MYO1D: variants seen among roughly 807,000 people sequenced by gnomAD.
MYO1D encodes the protein unconventional myosin-Id.
MYO1D carries 83 observed loss-of-function variants against 122.0 expected under a neutral mutation model. The ratio of observed to expected loss-of-function variants is 0.68; its 90% CI spans 0.57 to 0.82. The LOEUF (loss-of-function observed/expected upper bound fraction) is 0.82. MYO1D is among the 40% of genes least tolerant of loss of function. MYO1D has a pLI of 0.00. For missense variants in MYO1D, 1,157 were observed against 1,269.5 expected (o/e 0.91, Z 1.35); for synonymous variants, 464 against 446.9 (o/e 1.04, Z -0.48).
rs555477696 is a variant in MYO1D, at chr17:32,700,615, G to A, written c.2121+11373C>T. Among the ~76,000 whole-genome samples, 309 of 121,746 alleles carry A rather than the reference G, an allele frequency of 2.5e-3. 3 individuals carry two copies. The highest frequency in any genetic ancestry group is 9.7e-3 in the African/African-American group (300 of 30,774). The allele number at this position is 121,746 out of a possible 152,430, so 79.9% of individuals were successfully genotyped here. A position where few individuals can be genotyped will look rare whatever the true frequency, so the allele number is the denominator to read the frequency against. On this transcript the variant is annotated intron_variant, in intron 16 of 21. Transcript: ENST00000318217. ...TGCTCTTTATATTCCAAAAAGGAGA[G>A]GAATTGATGAAGATAAAAAAATTAA...
chr17:32,766,560 C>T (rs537371645), intron 7 of MYO1D, among the ~76,000 whole-genome samples: 2 of 152,250 alleles, frequency 1.3e-5, no homozygotes, highest in African/African-American at 4.8e-5. Flanking sequence ...CTTTGGGAGG[C>T]TGAGATGGGC....
rs556076101 is a variant in MYO1D at position 32,830,936 on chromosome 17, G to A, written c.95+45842C>T. ...CTGAGCGTGGTGGCACGCACCTACA[G>A]TCCCAGCTACTTGGGAGGCTGAGGC... is the stretch of plus-strand genomic sequence containing the variant. On this transcript the variant is annotated intron_variant, in intron 1 of 21. Coordinates refer to ENST00000318217, the MANE Select transcript of MYO1D (RefSeq NM_015194.3). Among the ~76,000 whole-genome samples the A allele has an allele frequency of 5.3e-5, 8 of 151,756 alleles. 1 individual carries two copies. In the South Asian group the frequency reaches 1.7e-3, roughly 31 times the overall value.
intron 21 of MYO1D, among the ~76,000 whole-genome samples, chr17:32,522,061 GAC>G (rs1910160483): frequency 8.5e-6 from 1 of 117,996 alleles, no homozygotes; most frequent in Non-Finnish European, 1.6e-5. Context: ...CAGCCTGGGC[GAC>G]AGAGTGAGAC....
chr17:32,585,410 G>C (rs1258845379), intron 21 of MYO1D, among the ~76,000 whole-genome samples: 1 of 152,064 alleles, frequency 6.6e-6, no homozygotes, highest in South Asian at 2.1e-4. Flanking sequence ...GAATTTACTG[G>C]CTACTAGTTG....
chr17:32,534,785 T>C (rs1247682129), intron 21 of MYO1D, among the ~76,000 whole-genome samples: 3 of 152,150 alleles, frequency 2.0e-5, no homozygotes, highest in Non-Finnish European at 4.4e-5. Context: ...CCTTTTTCTC[T>C]TTACACCCCG....
intron 1 of MYO1D, among the ~76,000 whole-genome samples, chr17:32,844,879 A>G (rs562820614): frequency 1.4e-4 from 21 of 152,288 alleles, no homozygotes; most frequent in African/African-American, 5.1e-4. Context: ...TGAGTTAGGA[A>G]TTTTGTATAA....
chr17:32,730,800 T>C (rs895255336), intron 14 of MYO1D, among the ~76,000 whole-genome samples: 1 of 152,202 alleles, frequency 6.6e-6, no homozygotes, highest in Admixed American at 6.5e-5. Context: ...TTCAATATTC[T>C]TGAAATTCTC....
At chr17:32,736,963 C>T (rs1319233751) in intron 14 of MYO1D, among the ~76,000 whole-genome samples, 1 of 152,092 alleles carries the variant, frequency 6.6e-6, no homozygotes, top group East Asian at 1.9e-4. Context: ...ATTATATAAG[C>T]CAACAAATTG....
chr17:32,664,465 A>C (rs1392332335), intron 16 of MYO1D, among the ~76,000 whole-genome samples: 1 of 152,220 alleles, frequency 6.6e-6, no homozygotes, highest in Non-Finnish European at 1.5e-5. Flanking sequence ...CTTAATACTT[A>C]TTTGCATATG....
intron 21 of MYO1D, among the ~76,000 whole-genome samples, chr17:32,587,882 G>A (rs920981880): frequency 1.3e-5 from 2 of 152,090 alleles, no homozygotes; most frequent in Admixed American, 6.6e-5. Context: ...AGAAACAAAC[G>A]GACCATTCCT....
chr17:32,643,470 A>G (rs2088235281), intron 19 of MYO1D, among the ~76,000 whole-genome samples: 3 of 151,972 alleles, frequency 2.0e-5, no homozygotes, highest in South Asian at 2.1e-4. Context: ...CTCTTTTTCT[A>G]TTGATTGGAA....
intron 16 of MYO1D, among the ~76,000 whole-genome samples, chr17:32,681,036 T>C (rs566888840): frequency 3.9e-5 from 6 of 152,156 alleles, no homozygotes; most frequent in East Asian, 1.9e-4. Flanking sequence ...AGTTTATTTG[T>C]GTAGAGGTGT....
At chr17:32,823,982 G>T (rs2090698615) in intron 1 of MYO1D, among the ~76,000 whole-genome samples, 1 of 151,056 alleles carries the variant, frequency 6.6e-6, no homozygotes, top group African/African-American at 2.4e-5. Flanking sequence ...CATGAGAATG[G>T]TGTGAACCCG....
At chr17:32,613,716 G>C (rs1431544268) in intron 20 of MYO1D, among the ~76,000 whole-genome samples, 1 of 141,932 alleles carries the variant, frequency 7.0e-6, no homozygotes, top group African/African-American at 2.6e-5. Flanking sequence ...AGAGATTGCA[G>C]TGAGCCGAAA....
chr17:32,664,757 C>T (rs1202087288), intron 16 of MYO1D, among the ~76,000 whole-genome samples: 2 of 152,320 alleles, frequency 1.3e-5, no homozygotes, highest in Admixed American at 1.3e-4. Context: ...ACAGAGAATG[C>T]TGGCATGGCG....
intron 11 of MYO1D, among the ~76,000 whole-genome samples, chr17:32,749,995 T>C (rs2089881917): frequency 6.6e-6 from 1 of 152,148 alleles, no homozygotes; most frequent in South Asian, 2.1e-4. Flanking sequence ...ACATAGCTAG[T>C]AAGTGGTACC....
chr17:32,629,071 A>G (rs1286925300), intron 20 of MYO1D, among the ~76,000 whole-genome samples: 1 of 152,250 alleles, frequency 6.6e-6, no homozygotes, highest in African/African-American at 2.4e-5. Context: ...AGCCATGGGA[A>G]GACATGACGG....
chr17:32,705,418 C>G (rs950296367), intron 16 of MYO1D, among the ~76,000 whole-genome samples: 1 of 142,352 alleles, frequency 7.0e-6, no homozygotes, highest in East Asian at 2.3e-4. Flanking sequence ...CACCACCATG[C>G]CCGGCTAATT....
In MYO1D at chr17:32,862,664, A is replaced by C. The variant is rs563772223; in HGVS notation, c.95+14114T>G. Among the ~76,000 whole-genome samples the C allele has an allele frequency of 2.0e-5, 3 of 152,350 alleles. No homozygotes were observed. The East Asian group carries it at 5.8e-4, about 29-fold the overall frequency. ...GGATAACCATAACCATCGGGTGAAA[A>C]AATGGAAAACTTGTTGTAAGGATAA... is the stretch of plus-strand genomic sequence containing the variant. On this transcript the variant is annotated intron_variant, in intron 1 of 21. Transcript: ENST00000318217.
Sources: gnomAD v4.1 joint callset for allele counts (sites outside exome capture counted in the v4.1 genomes callset) on GRCh38, gnomAD v4.1.1 for gene constraint, MANE v1.5 for transcripts, NCBI Gene and HGNC (gene_info 2026-07-23, HGNC 2026-07-21) for gene names.